Variants in FCHSD1 observed in about 807,000 individuals in gnomAD.
FCHSD1 encodes the protein F-BAR and double SH3 domains protein 1.
Under a neutral mutation model 101.3 loss-of-function variants are expected in FCHSD1, and 109 were observed. The ratio of observed to expected loss-of-function variants is 1.08; its 90% confidence interval spans 0.92 to 1.26. The LOEUF (loss-of-function observed/expected upper bound fraction) is 1.26. FCHSD1 is among the 50% of genes most tolerant of loss of function. The pLI is 0.00. For missense variants in FCHSD1, 820 were observed against 895.8 expected, an observed-to-expected ratio of 0.92 and a Z score of 1.08; for synonymous variants, 291 against 356.8, an observed-to-expected ratio of 0.82 and a Z score of 2.08.
intron 17 of FCHSD1, 62 bp downstream of exon 17, chr5:141,644,156 T>C (rs468920): frequency 0.22 from 320,441 of 1,454,086 alleles, 36,872 homozygotes; most frequent in Middle Eastern, 0.3. Context: ...TATGAGGCTT[T>C]ATTGGGGTGG....
chr5:141,640,842 A>T lies in FCHSD1; in HGVS notation c.*656T>A. 1 of 627,928 alleles carries T rather than the reference A, an allele frequency of 1.6e-6. No homozygotes were observed. Among genetic ancestry groups the T allele is most frequent in the Admixed American group, 3.0e-5 (1 of 33,364 alleles). The allele number at this position is 627,928 out of a possible 1,614,324, so 38.9% of individuals were successfully genotyped here. ...GCCTCAGGAGAGGTCACAGCCCCTC[A>T]GTCTCTTCTCCTTCCCCTGCCTGCA... On this transcript the variant is annotated 3_prime_UTR_variant, in exon 20 of 20. Coordinates refer to ENST00000435817, the MANE Select transcript of FCHSD1 (RefSeq NM_033449.3).
At chr5:141,642,034 A>C (rs2099906970) in intron 18 of FCHSD1, 2 of 560,622 alleles carry the variant, frequency 3.6e-6, no homozygotes, top group East Asian at 3.0e-5. Context: ...CAACAAACAC[A>C]ATAAATGACT....
rs1019825197 is a variant in FCHSD1, at chr5:141,646,133, A to G, written c.1103T>C (p.Ile368Thr). The change falls in exon 12 of 20, where the codon ATA becomes ACA. Residue 368 changes from isoleucine to threonine, a missense_variant. Ile to Thr is a moderately conservative substitution (Grantham distance 89). Transcript: ENST00000435817. ...TCGCACTTCCTGTAACCTCTGTTCT[A>G]TGCTTGGAGCCTCCCGCTCTGAAGC... ...QQASEREAPSIEQRLQEVRES... is the reference protein window; with the variant it reads ...QQASEREAPSTEQRLQEVRES... The G allele has an allele frequency of 1.9e-6, 3 of 1,612,442 alleles. No individual in the cohort carries two copies. The highest frequency in any genetic ancestry group is 1.3e-5 in the African/African-American group (1 of 75,000).
chr5:141,640,666 C>G lies in FCHSD1; in HGVS notation c.*832G>C. On this transcript the variant is annotated 3_prime_UTR_variant, in exon 20 of 20. Transcript: ENST00000435817. ...GCAACAGTGTTATTCTTCCTCTTCT[C>G]CAAGTCTCCTTCATTGTGCTGATGG... 6.5e-7 allele frequency: 1 copy of G among 1,536,074 alleles called. No individual in the cohort carries two copies.
rs1377280662 is a variant in FCHSD1, at chr5:141,641,575, A to G, written c.2008-12T>C. ...GGTGGTGGACGCATCTGTAGGGAAC[A>G]CACAGTTAGTGCTCCAGAGTTCTCC... On this transcript the variant is annotated splice_polypyrimidine_tract_variant and intron_variant, in intron 19 of 19. Transcript: ENST00000435817. 1.3e-6 allele frequency: 2 copies of G among 1,572,694 alleles called. No homozygotes were observed. The highest frequency in any genetic ancestry group is 1.2e-5 in the South Asian group (1 of 85,546).
At chr5:141,650,158 A>G (rs1283675132) in intron 3 of FCHSD1, among the ~76,000 whole-genome samples, 1 of 152,206 alleles carries the variant, frequency 6.6e-6, no homozygotes, top group East Asian at 1.9e-4. Context: ...CCCATTTCAC[A>G]GAGAAAGAAA....
intron 2 of FCHSD1, among the ~76,000 whole-genome samples, chr5:141,650,635 C>T (rs2099908264): frequency 6.6e-6 from 1 of 151,992 alleles, no homozygotes; most frequent in Non-Finnish European, 1.5e-5. Flanking sequence ...GCAGGATCCT[C>T]CCCACCCCAG....
chr5:141,650,903 G>T, intron 2 of FCHSD1, 117 bp downstream of exon 2: 1 of 970,980 alleles, frequency 1.0e-6, no homozygotes. Context: ...GAGGGCTGTG[G>T]ATGGGTCGGC....
In FCHSD1 at chr5:141,649,162, A is replaced by G. The variant is rs1166202821; in HGVS notation, c.512+10T>C. The stretch of plus-strand genomic sequence containing the variant: ...CCAACCTTGGGCTTCCTCACTCTCC[A>G]TGACCCCACCTGGCCTGGACATCAG... On this transcript the variant is annotated intron_variant, in intron 6 of 19. Coordinates refer to ENST00000435817, the MANE Select transcript of FCHSD1 (RefSeq NM_033449.3). The surrounding 1 kb of genome is among the most constrained non-coding windows in gnomAD (Gnocchi z 4.1). 2 of 1,613,820 alleles carry G rather than the reference A, an allele frequency of 1.2e-6. No individual in the cohort carries two copies. Among genetic ancestry groups the G allele is most frequent in the East Asian group, 4.5e-5 (2 of 44,868 alleles).
intron 2 of FCHSD1, 133 bp from the exon 3 acceptor site, chr5:141,650,537 CCAGAG>C: frequency 1.0e-6 from 1 of 982,486 alleles, no homozygotes; most frequent in Non-Finnish European, 1.6e-6. Flanking sequence ...GTAACTACAC[CCAGAG>C]GGAATGGGAC....
At chr5:141,646,821 C>G in intron 10 of FCHSD1, 99 bp from the exon 11 acceptor site, 1 of 1,490,108 alleles carries the variant, frequency 6.7e-7, no homozygotes, top group Non-Finnish European at 8.9e-7. Flanking sequence ...AGGACAAGGA[C>G]AAAGAGAAAG....
Position 141,646,589 on chromosome 5 carries a change from C to A in FCHSD1, c.1044+14G>T. 6.2e-7 allele frequency: 1 copy of A among 1,606,066 alleles called. No homozygotes were observed. The highest frequency in any genetic ancestry group is 8.5e-7 in the Non-Finnish European group (1 of 1,176,612). ...CAAGAAGGTGCACATGACACCTGTG[C>A]CCCCCCACCTCACCCGATGCCCATG... On this transcript the variant is annotated intron_variant, in intron 11 of 19. Transcript: ENST00000435817.
At chr5:141,642,823 T>G in intron 18 of FCHSD1, 178 bp downstream of exon 18, 1 of 589,894 alleles carries the variant, frequency 1.7e-6, no homozygotes, top group Non-Finnish European at 2.9e-6. Flanking sequence ...CACCACACAC[T>G]TGGAGATGAC....
At position 141,651,023 on chromosome 5, in the gene FCHSD1, A is replaced by T; in HGVS notation, c.116T>A (p.Ile39Asn). ...TGAAGGGGGTTGGGGGAGCTACCTG[A>T]TGTCCTCCAGCAGATCCGCCTCCCT... ...QQREADLLED[I>N]RSYSKQRAAI... Residue 39 changes from isoleucine to asparagine, a missense_variant, in exon 2 of 20, where the codon ATC becomes AAC. Transcript: ENST00000435817. 1 of 1,585,874 alleles carries T rather than the reference A, an allele frequency of 6.3e-7. No individual in the cohort carries two copies. Among genetic ancestry groups the T allele is most frequent in the South Asian group, 1.2e-5 (1 of 86,938 alleles).
Position 141,649,075 on chromosome 5 carries a change from C to G in FCHSD1, c.513-55G>C. The G allele has an allele frequency of 6.2e-7, 1 of 1,613,956 alleles. No individual in the cohort carries two copies. Among genetic ancestry groups the G allele is most frequent in the Non-Finnish European group, 8.5e-7 (1 of 1,179,844 alleles). On this transcript the variant is annotated intron_variant, in intron 6 of 19. Coordinates refer to ENST00000435817, the MANE Select transcript of FCHSD1 (RefSeq NM_033449.3). This position sits in a 1 kb window ranked among gnomAD's most constrained non-coding sequence, Gnocchi z 4.1. ...CACCCCAAGTGGGAGAATATGAGATCAGAGTCAGGCCCAGCTTTGGTGACT... is the reference window on the plus strand; with the variant it reads ...CACCCCAAGTGGGAGAATATGAGATGAGAGTCAGGCCCAGCTTTGGTGACT...
chr5:141,640,976 G>A lies in FCHSD1; in HGVS notation c.*522C>T. Reference sequence around the variant, plus strand: ...GGCCCCTAAAGCAATAGCACCGTAGGCCCCCTGCCCTCTTAGCACAAGAGG... The same window carrying A: ...GGCCCCTAAAGCAATAGCACCGTAGACCCCCTGCCCTCTTAGCACAAGAGG... On this transcript the variant is annotated 3_prime_UTR_variant, in exon 20 of 20. Coordinates refer to ENST00000435817, the MANE Select transcript of FCHSD1 (RefSeq NM_033449.3). 2.2e-6 allele frequency: 1 copy of A among 457,358 alleles called. No individual in the cohort carries two copies. 28.3% of individuals were successfully genotyped at this position (457,358 alleles called of 1,614,324 possible). A position where few individuals can be genotyped will look rare whatever the true frequency, so the allele number is the denominator to read the frequency against.
Position 141,648,050 on chromosome 5 carries a change from C to G in FCHSD1, c.623G>C (p.Arg208Pro), listed in dbSNP as rs768524300. Residue 208 changes from arginine (R) to proline (P), a missense_variant, in exon 8 of 20, where the codon CGC (arginine) becomes CCC (proline). Transcript: ENST00000435817. ...CACCAAGTTAAGCAGGTACTCATTG[C>G]GGGCTGCTTGCAGCTGCTGGGAGTA... The part of the protein sequence containing the change: ...AQYSQQLQAA[R>P]NEYLLNLVAT... 1 of 1,613,452 alleles carries G rather than the reference C, an allele frequency of 6.2e-7. No homozygotes were observed. Among genetic ancestry groups the G allele is most frequent in the Non-Finnish European group, 8.5e-7 (1 of 1,179,636 alleles).
Position 141,649,313 on chromosome 5 carries a change from TG to T in FCHSD1, c.376-6del. On this transcript the variant is annotated splice_region_variant and splice_polypyrimidine_tract_variant and intron_variant, in intron 5 of 19. Transcript: ENST00000435817. The surrounding 1 kb of genome is among the most constrained non-coding windows in gnomAD (Gnocchi z 4.1). ...CCTCTGGAGGTTCTCTGTTCCCTAT[TG>T]GGATGCATACACAAAGTCCTTACCT... 1 of 1,614,000 alleles carries T rather than the reference TG, an allele frequency of 6.2e-7. No homozygotes were observed. The highest frequency in any genetic ancestry group is 1.1e-5 in the South Asian group (1 of 91,088).
At chr5:141,646,362 A>G (rs7711960) in intron 11 of FCHSD1, 171 bp from the exon 12 acceptor site, 201,315 of 898,856 alleles carry the variant, frequency 0.22, 24,543 homozygotes, top group Admixed American at 0.38. Context: ...AAGTCCAGAG[A>G]GGTTAAGTCA....
Sources: gnomAD v4.1 joint callset for allele counts (sites outside exome capture counted in the v4.1 genomes callset) on GRCh38, gnomAD v4.1.1 for gene constraint, Gnocchi (gnomAD v3.1) non-coding constraint, MANE v1.5 for transcripts, NCBI Gene and HGNC (gene_info 2026-07-23, HGNC 2026-07-21) for gene names.